Variants in BTBD16 observed in about 807,000 individuals in gnomAD.
BTBD16 encodes BTB/POZ domain-containing protein 16.
In BTBD16, 66 loss-of-function variants were observed where a neutral mutation model predicts 67.4. That is an observed-to-expected ratio of 0.98 (90% confidence interval 0.80 to 1.20). BTBD16 has a LOEUF of 1.20. Ranked by LOEUF, BTBD16 falls within the 50% of genes most tolerant of loss-of-function variation. BTBD16 has a pLI of 0.00. For synonymous variants in BTBD16, 242 were observed against 236.4 expected (o/e 1.02, Z -0.22); for missense variants, 634 against 616.0 (o/e 1.03, Z -0.31).
intron 3 of BTBD16, among the ~76,000 whole-genome samples, chr10:122,282,453 A>G (rs1166642776): frequency 1.3e-5 from 2 of 152,164 alleles, no homozygotes; most frequent in African/African-American, 2.4e-5. Context: ...GCTCCCACCC[A>G]TGCTTCCTGC....
At position 122,337,169 on chromosome 10, in the gene BTBD16, C is replaced by T. The variant is rs551787329; in HGVS notation, c.1452+487C>T. On this transcript the variant is annotated intron_variant, in intron 15 of 15. Coordinates refer to ENST00000260723, the MANE Select transcript of BTBD16 (RefSeq NM_144587.5). ...GGCCTGGCTTCTGACCAGAATAAGA[C>T]TTTGCTACAAGCCAGTGAGTAATTC... is the stretch of plus-strand genomic sequence containing the variant. 3.9e-5 allele frequency among the ~76,000 whole-genome samples: 6 copies of T among 152,340 alleles called. No individual in the cohort carries two copies. The South Asian group carries it at 1.2e-3, about 32-fold the overall frequency.
chr10:122,273,562 C>T (rs150340274), intron 1 of BTBD16, among the ~76,000 whole-genome samples: 2 of 152,130 alleles, frequency 1.3e-5, no homozygotes, highest in Non-Finnish European at 1.5e-5. Context: ...CAATATAGAT[C>T]AGTCTGGGCA....
intron 10 of BTBD16, among the ~76,000 whole-genome samples, chr10:122,321,008 C>A (rs1410615079): frequency 6.6e-6 from 1 of 152,080 alleles, no homozygotes; most frequent in Non-Finnish European, 1.5e-5. Context: ...GTCTCCCTCC[C>A]TCCCCACTCT....
intron 1 of BTBD16, among the ~76,000 whole-genome samples, chr10:122,274,141 C>T (rs923079663): frequency 1.7e-4 from 26 of 152,250 alleles, no homozygotes; most frequent in African/African-American, 5.3e-4. Flanking sequence ...AGCTCACCCA[C>T]TTCTCCTCTT....
chr10:122,329,655 C>T lies in BTBD16; in HGVS notation c.1003+84C>T, dbSNP rs896926903. Reference sequence around the variant, plus strand: ...CCCAGCCACTGCCGGGGGAGCCCCACCTGATGTTTCCAAGGGAATCACCTG... The same window carrying T: ...CCCAGCCACTGCCGGGGGAGCCCCATCTGATGTTTCCAAGGGAATCACCTG... On this transcript the variant is annotated intron_variant, in intron 11 of 15. Coordinates refer to ENST00000260723, the MANE Select transcript of BTBD16 (RefSeq NM_144587.5). 7.0e-6 allele frequency: 8 copies of T among 1,139,960 alleles called. No individual in the cohort carries two copies. The African/African-American group carries it at 9.1e-5, about 13-fold the overall frequency. 70.6% of individuals were successfully genotyped at this position (1,139,960 alleles called of 1,614,324 possible). A position where few individuals can be genotyped will look rare whatever the true frequency, so the allele number is the denominator to read the frequency against.
At chr10:122,310,213 G>A (rs1224146670) in intron 10 of BTBD16, among the ~76,000 whole-genome samples, 1 of 152,232 alleles carries the variant, frequency 6.6e-6, no homozygotes, top group Non-Finnish European at 1.5e-5. Context: ...GGTGCCCGTT[G>A]AGTGCACCAG....
chr10:122,329,492 CTG>C lies in BTBD16; in HGVS notation c.926_927del (p.Cys309LeufsTer36). 6.2e-7 allele frequency: 1 copy of C among 1,613,924 alleles called. No individual in the cohort carries two copies. Among genetic ancestry groups the C allele is most frequent in the South Asian group, 1.1e-5 (1 of 91,080 alleles). ...MTFFKSFPENCCFLDRDIGRS... is the reference protein window; with the variant it reads ...MTFFKSFPENXCFLDRDIGRS... ...TGCCTCTGCTAAGCTTTCCTGAGAA[CTG>C]TTGCTTTCTGGACCGGGACATAGGA... On this transcript the variant is annotated frameshift_variant, in exon 11 of 16. Transcript: ENST00000260723. LOFTEE classifies it high-confidence loss of function.
chr10:122,327,694 A>C, intron 10 of BTBD16: 6 of 963,958 alleles, frequency 6.2e-6, no homozygotes, highest in Non-Finnish European at 7.4e-6. Context: ...AAGCTGTCTC[A>C]ACAAAGCTGT....
intron 11 of BTBD16, among the ~76,000 whole-genome samples, chr10:122,329,982 G>A (rs542302766): frequency 1.3e-5 from 2 of 152,276 alleles, no homozygotes; most frequent in East Asian, 3.9e-4. Flanking sequence ...GATGGTACCT[G>A]TAACTGGGAA....
At chr10:122,329,445 G>T in intron 10 of BTBD16, 35 bp from the exon 11 acceptor site, 1 of 1,604,874 alleles carries the variant, frequency 6.2e-7, no homozygotes. Flanking sequence ...GGAGTTTGCT[G>T]AAGGTCTGTT....
intron 10 of BTBD16, among the ~76,000 whole-genome samples, chr10:122,326,026 A>C (rs2096444072): frequency 6.7e-6 from 1 of 149,228 alleles, no homozygotes; most frequent in Admixed American, 6.6e-5. Flanking sequence ...TTCTATGCTG[A>C]GTTATATTTT....
chr10:122,323,944 A>G (rs1440557704), intron 10 of BTBD16, among the ~76,000 whole-genome samples: 1 of 152,218 alleles, frequency 6.6e-6, no homozygotes, highest in African/African-American at 2.4e-5. Flanking sequence ...TAGCTGATTT[A>G]TAATCACTAA....
At chr10:122,300,486 T>C (rs1439760603) in intron 9 of BTBD16, among the ~76,000 whole-genome samples, 2 of 152,212 alleles carry the variant, frequency 1.3e-5, no homozygotes, top group East Asian at 3.9e-4. Context: ...TATACACTTG[T>C]TTTTTCTGAA....
Position 122,276,860 on chromosome 10 carries a change from T to C in BTBD16, c.88T>C (p.Ser30Pro). ...NRWRLPKQPF[S>P]GDLLSLSQMC... ...GTGGCGTTTGCCCAAACAGCCTTTCTCTGGGGACCTGCTCTCACTTTCCCA... is the reference window on the plus strand; with the variant it reads ...GTGGCGTTTGCCCAAACAGCCTTTCCCTGGGGACCTGCTCTCACTTTCCCA... Residue 30 changes from serine to proline, a missense_variant, in exon 3 of 16, where the codon TCT becomes CCT. Ser to Pro is a moderately conservative substitution (Grantham distance 74, BLOSUM62 -1). Transcript: ENST00000260723. 6.2e-7 allele frequency: 1 copy of C among 1,614,240 alleles called. No homozygotes were observed. The highest frequency in any genetic ancestry group is 8.5e-7 in the Non-Finnish European group (1 of 1,180,040).
At chr10:122,305,357 G>A (rs1333034673) in intron 9 of BTBD16, among the ~76,000 whole-genome samples, 4 of 152,178 alleles carry the variant, frequency 2.6e-5, no homozygotes, top group Non-Finnish European at 4.4e-5. Context: ...CCTGGTGAGA[G>A]GTGATTGGAT....
chr10:122,319,671 AT>A (rs1018983634), intron 10 of BTBD16, among the ~76,000 whole-genome samples: 4 of 151,778 alleles, frequency 2.6e-5, no homozygotes, highest in African/African-American at 9.7e-5. Flanking sequence ...AGCTTTGTTC[AT>A]TTTTTTCAAA....
chr10:122,336,733 C>T, intron 15 of BTBD16, 51 bp downstream of exon 15: 1 of 1,477,484 alleles, frequency 6.8e-7, no homozygotes, highest in Admixed American at 2.3e-5. Flanking sequence ...TCTTTCTCTC[C>T]CCCATCCTTT....
At chr10:122,279,982 G>A (rs943610208) in intron 3 of BTBD16, among the ~76,000 whole-genome samples, 7 of 152,082 alleles carry the variant, frequency 4.6e-5, no homozygotes, top group Admixed American at 6.5e-5. Context: ...TCCTTCTGCC[G>A]TGTCTGGGTT....
At chr10:122,275,934 A>C (rs2096339649) in intron 2 of BTBD16, among the ~76,000 whole-genome samples, 1 of 152,240 alleles carries the variant, frequency 6.6e-6, no homozygotes, top group South Asian at 2.1e-4. Flanking sequence ...TCTTCACAAT[A>C]GCCAAAAGGT....
Sources: gnomAD v4.1 joint callset for allele counts (sites outside exome capture counted in the v4.1 genomes callset) on GRCh38, gnomAD v4.1.1 for gene constraint, MANE v1.5 for transcripts, NCBI Gene and HGNC (gene_info 2026-07-23, HGNC 2026-07-21) for gene names.